The following ARHGAP23 variants were observed in gnomAD, a reference collection of about 807,000 sequenced individuals.
The protein encoded by ARHGAP23 is rho GTPase-activating protein 23.
ARHGAP23 carries 34 observed loss-of-function variants against 136.3 expected under a neutral mutation model. The ratio of observed to expected loss-of-function variants is 0.25; its 90% CI spans 0.19 to 0.33. ARHGAP23 has a LOEUF of 0.33. Among genes scored for constraint, ARHGAP23 ranks in the 10% least tolerant of loss-of-function variants. The pLI is 1.00. For synonymous variants in ARHGAP23, 832 were observed against 920.5 expected (o/e 0.90, Z 1.74); for missense variants, 1,808 against 2,139.0 (o/e 0.85, Z 3.05).
At chr17:38,496,354 G>C (rs1381286405) in intron 20 of ARHGAP23, among the ~76,000 whole-genome samples, 1 of 151,722 alleles carries the variant, frequency 6.6e-6, no homozygotes, top group Admixed American at 6.6e-5. Flanking sequence ...CATGCCTGTA[G>C]TCCCAGCTAT....
At chr17:38,489,926 A>C (rs1442350257) in intron 17 of ARHGAP23, 176 bp from the exon 18 acceptor site, 6 of 638,578 alleles carry the variant, frequency 9.4e-6, no homozygotes, top group Non-Finnish European at 1.7e-5. Context: ...TGGTGAGTGC[A>C]GCTGTGGTGA....
intron 1 of ARHGAP23, among the ~76,000 whole-genome samples, chr17:38,456,829 C>T (rs545816099): frequency 5.3e-5 from 8 of 152,336 alleles, no homozygotes; most frequent in Admixed American, 2.6e-4. Flanking sequence ...CTCTTGTCTT[C>T]AGATACCCTC....
intron 1 of ARHGAP23, among the ~76,000 whole-genome samples, chr17:38,456,912 C>G (rs2039338220): frequency 6.6e-6 from 1 of 152,048 alleles, no homozygotes; most frequent in Non-Finnish European, 1.5e-5. Context: ...CTGAAACCTC[C>G]AGCCTTTTTT....
chr17:38,455,329 A>G (rs922946958), intron 1 of ARHGAP23, among the ~76,000 whole-genome samples: 9 of 152,162 alleles, frequency 5.9e-5, no homozygotes, highest in African/African-American at 2.2e-4. Context: ...GGTAGCTGAC[A>G]TTCTCAAGAG....
intron 1 of ARHGAP23, among the ~76,000 whole-genome samples, chr17:38,446,539 CCTG>C (rs1766850147): frequency 6.6e-6 from 1 of 151,748 alleles, no homozygotes; most frequent in Non-Finnish European, 1.5e-5. Flanking sequence ...TCTTCTAATC[CCTG>C]CTTTCAGTTG....
intron 20 of ARHGAP23, among the ~76,000 whole-genome samples, chr17:38,495,849 C>T (rs576794367): frequency 6.6e-6 from 1 of 152,162 alleles, no homozygotes; most frequent in East Asian, 1.9e-4. Flanking sequence ...GCCTGTTCCT[C>T]TTCTTTCATA....
intron 6 of ARHGAP23, among the ~76,000 whole-genome samples, chr17:38,465,438 C>A (rs555918584): frequency 6.6e-6 from 1 of 152,304 alleles, no homozygotes; most frequent in African/African-American, 2.4e-5. Flanking sequence ...GGCTCCTGGG[C>A]AGCTCAGCAG....
chr17:38,508,715 C>T (rs1300374949), intron 23 of ARHGAP23, among the ~76,000 whole-genome samples: 1 of 152,010 alleles, frequency 6.6e-6, no homozygotes, highest in East Asian at 1.9e-4. Flanking sequence ...GAATCCAGGA[C>T]TTGGCTGTGG....
chr17:38,510,585 CT>C lies in ARHGAP23; in HGVS notation c.4090del (p.Ser1364ProfsTer11). 1 of 1,273,844 alleles carries C rather than the reference CT, an allele frequency of 7.9e-7. No individual in the cohort carries two copies. Among genetic ancestry groups the C allele is most frequent in the Admixed American group, 3.7e-5 (1 of 26,700 alleles). The allele number at this position is 1,273,844 out of a possible 1,614,324, so 78.9% of individuals were successfully genotyped here. A position where few individuals can be genotyped will look rare whatever the true frequency, so the allele number is the denominator to read the frequency against. On this transcript the variant is annotated frameshift_variant, in exon 24 of 24. Transcript: ENST00000622683. LOFTEE classifies it high-confidence loss of function. The surrounding 1 kb of genome is among the most constrained non-coding windows in gnomAD (Gnocchi z 4.6). ...SLRPPAAALA[S>X]RPSRMEALRL... ...TGCGGCCCCCGGCGGCGGCGCTGGC[CT>C]CCCGGCCCTCGCGCATGGAGGCGCT...
rs531322953 is a variant in ARHGAP23 at position 38,457,018 on chromosome 17, T to G, written c.64-1084T>G. ...TCTCCCTCCTGGGTTCAAGCGATTC[T>G]CCTGCCTCAGCCTCTTGAGTAGCTG... On this transcript the variant is annotated intron_variant, in intron 1 of 23. Coordinates refer to ENST00000622683, the MANE Select transcript of ARHGAP23 (RefSeq NM_001199417.2). 3.3e-3 allele frequency among the ~76,000 whole-genome samples: 501 copies of G among 152,320 alleles called. 2 individuals carry two copies. The highest frequency in any genetic ancestry group is 0.012 in the African/African-American group (484 of 41,584).
chr17:38,510,308 CG>C lies in ARHGAP23; in HGVS notation c.3817del (p.Asp1273MetfsTer10). Reference protein sequence around the residue: ...CSGASGRRAGAGDEADDERSE... With the variant: ...CSGASGRRAGXGDEADDERSE... Reference sequence around the variant, plus strand: ...GGCGCTAGCGGTCGGCGGGCAGGGGCGGGGGATGAGGCGGACGACGAGCGTA... The same window carrying C: ...GGCGCTAGCGGTCGGCGGGCAGGGGCGGGGATGAGGCGGACGACGAGCGTA... On this transcript the variant is annotated frameshift_variant, in exon 24 of 24. Transcript: ENST00000622683. LOFTEE classifies it high-confidence loss of function. The surrounding 1 kb of genome is among the most constrained non-coding windows in gnomAD (Gnocchi z 4.6). The C allele has an allele frequency of 7.8e-7, 1 of 1,280,056 alleles. No homozygotes were observed. The highest frequency in any genetic ancestry group is 9.9e-7 in the Non-Finnish European group (1 of 1,014,268). 79.3% of individuals were successfully genotyped at this position (1,280,056 alleles called of 1,614,324 possible).
rs57841966 is a variant in ARHGAP23 at position 38,456,297 on chromosome 17, C to A, written c.64-1805C>A. ...TCCTTAGCAGAGGGCAGCTGTCTCCCTCCACTGGGTGTGTGGACAGGAGGG... is the reference window on the plus strand; with the variant it reads ...TCCTTAGCAGAGGGCAGCTGTCTCCATCCACTGGGTGTGTGGACAGGAGGG... On this transcript the variant is annotated intron_variant, in intron 1 of 23. Coordinates refer to ENST00000622683, the MANE Select transcript of ARHGAP23 (RefSeq NM_001199417.2). 5.9e-5 allele frequency among the ~76,000 whole-genome samples: 9 copies of A among 152,188 alleles called. No homozygotes were observed. In the South Asian group the frequency reaches 6.2e-4, roughly 11 times the overall value.
At chr17:38,486,980 A>G (rs1159327142) in intron 17 of ARHGAP23, among the ~76,000 whole-genome samples, 1 of 152,152 alleles carries the variant, frequency 6.6e-6, no homozygotes, top group Non-Finnish European at 1.5e-5. Context: ...GTGCTGGCAG[A>G]TGTTTAACAT....
Position 38,455,706 on chromosome 17 carries a change from T to G in ARHGAP23, c.64-2396T>G, listed in dbSNP as rs566388619. On this transcript the variant is annotated intron_variant, in intron 1 of 23. Coordinates refer to ENST00000622683, the MANE Select transcript of ARHGAP23 (RefSeq NM_001199417.2). ...GGGACAGGCAGGGGGCAGCCCACACTGGGGAGGAGCAGGGGCTTCTGGTAG... is the reference window on the plus strand; with the variant it reads ...GGGACAGGCAGGGGGCAGCCCACACGGGGGAGGAGCAGGGGCTTCTGGTAG... Among the ~76,000 whole-genome samples the G allele has an allele frequency of 1.2e-4, 18 of 152,204 alleles. No homozygotes were observed. The East Asian group carries it at 3.5e-3, about 29-fold the overall frequency.
intron 3 of ARHGAP23, among the ~76,000 whole-genome samples, chr17:38,461,980 T>G (rs2039470118): frequency 6.6e-6 from 1 of 151,752 alleles, no homozygotes; most frequent in Non-Finnish European, 1.5e-5. Context: ...TGAGATGGAG[T>G]CTTGCTCTGT....
rs1325237328 is a variant in ARHGAP23, at chr17:38,505,715, G to T, written c.3448-4229G>T. 3.3e-5 allele frequency among the ~76,000 whole-genome samples: 5 copies of T among 152,168 alleles called. No homozygotes were observed. In the East Asian group the frequency reaches 9.6e-4, roughly 29 times the overall value. On this transcript the variant is annotated intron_variant, in intron 23 of 23. Transcript: ENST00000622683. ...AGGCCAGGGTGGGGAGATCACTTGA[G>T]GCCAGGAATTTGAGACCAGCCTGGC...
At chr17:38,478,417 A>ATT (rs33967787) in intron 12 of ARHGAP23, among the ~76,000 whole-genome samples, 81,981 of 145,212 alleles carry the variant, frequency 0.56, 25,540 homozygotes, top group East Asian at 0.79. Flanking sequence ...TTTTGGGATA[A>ATT]TTTTTTTTTT....
chr17:38,425,994 C>A (rs1407616104), upstream of ARHGAP23, among the ~76,000 whole-genome samples: 1 of 151,948 alleles, frequency 6.6e-6, no homozygotes, highest in Non-Finnish European at 1.5e-5. Flanking sequence ...TCCTCTCACC[C>A]CCTCCTGCGG....
intron 1 of ARHGAP23, among the ~76,000 whole-genome samples, chr17:38,434,653 G>C (rs1567773090): frequency 6.6e-6 from 1 of 152,246 alleles, no homozygotes; most frequent in Non-Finnish European, 1.5e-5. Flanking sequence ...CACGCAAGGG[G>C]CCTTAGCCCC....
Sources: gnomAD v4.1 joint callset for allele counts (sites outside exome capture counted in the v4.1 genomes callset) on GRCh38, gnomAD v4.1.1 for gene constraint, Gnocchi (gnomAD v3.1) non-coding constraint, MANE v1.5 for transcripts, NCBI Gene and HGNC (gene_info 2026-07-23, HGNC 2026-07-21) for gene names.